Variants in SLC30A6 observed in about 807,000 individuals in gnomAD.
SLC30A6 encodes solute carrier family 30 member 6, also known as zinc transporter 6.
A neutral mutation model predicts 63.0 loss-of-function variants in SLC30A6; 55 were observed. The ratio of observed to expected loss-of-function variants is 0.87; its 90% CI spans 0.70 to 1.09. The LOEUF (loss-of-function observed/expected upper bound fraction) is 1.09, where lower values mean the gene tolerates loss of function less well. Among genes scored for constraint, SLC30A6 ranks in the 50% least tolerant of loss-of-function variants. The probability of loss-of-function intolerance (pLI) is 0.00; values close to 1 mark genes in which losing one functional copy is unlikely to be tolerated. For missense variants in SLC30A6, 587 were observed against 549.2 expected, an observed-to-expected ratio of 1.07 and a Z score of -0.69; for synonymous variants, 224 against 186.1, an observed-to-expected ratio of 1.20 and a Z score of -1.66.
intron 1 of SLC30A6, among the ~76,000 whole-genome samples, chr2:32,167,102 T>C (rs1347802871): frequency 1.3e-5 from 2 of 151,950 alleles, no homozygotes; most frequent in African/African-American, 4.8e-5. Flanking sequence ...CGAGACGGAG[T>C]TCCACTCTTG....
At chr2:32,190,865 T>G (rs984508003) in intron 5 of SLC30A6, among the ~76,000 whole-genome samples, 7 of 152,286 alleles carry the variant, frequency 4.6e-5, no homozygotes, top group African/African-American at 1.4e-4. Flanking sequence ...TCAAGTGATG[T>G]GCCTGCCTCG....
At chr2:32,188,799 C>G (rs1683064641) in intron 5 of SLC30A6, among the ~76,000 whole-genome samples, 1 of 152,200 alleles carries the variant, frequency 6.6e-6, no homozygotes, top group Admixed American at 6.5e-5. Flanking sequence ...CTATCTGGAT[C>G]ATGATATAGA....
intron 1 of SLC30A6, among the ~76,000 whole-genome samples, chr2:32,170,071 A>T (rs1681060996): frequency 6.6e-6 from 1 of 152,048 alleles, no homozygotes. Context: ...CCTTAAGGGT[A>T]TTACATTCGC....
intron 13 of SLC30A6, among the ~76,000 whole-genome samples, chr2:32,210,515 C>CAAAAAAAAAAA (rs3040860): frequency 1.1e-5 from 1 of 89,216 alleles, no homozygotes; most frequent in African/African-American, 4.5e-5. Context: ...ACTCTGTCTC[C>CAAAAAAAAAAA]AAAAAAAAAA....
At chr2:32,168,910 T>C (rs1680921799) in intron 1 of SLC30A6, among the ~76,000 whole-genome samples, 1 of 152,176 alleles carries the variant, frequency 6.6e-6, no homozygotes, top group African/African-American at 2.4e-5. Context: ...AAGAGTGATA[T>C]GACATTAGGA....
At chr2:32,176,653 A>G (rs971617866) in intron 4 of SLC30A6, among the ~76,000 whole-genome samples, 4 of 150,810 alleles carry the variant, frequency 2.7e-5, no homozygotes, top group Admixed American at 1.3e-4. Context: ...GTGAGATTCC[A>G]TCTCAAAAAA....
At chr2:32,169,581 A>G (rs1345638170) in intron 1 of SLC30A6, among the ~76,000 whole-genome samples, 7 of 152,218 alleles carry the variant, frequency 4.6e-5, no homozygotes, top group African/African-American at 1.7e-4. Context: ...GATCAAGACC[A>G]TCCTGGCTAA....
intron 4 of SLC30A6, among the ~76,000 whole-genome samples, chr2:32,182,020 A>G (rs1682369346): frequency 6.7e-6 from 1 of 149,612 alleles, no homozygotes; most frequent in African/African-American, 2.5e-5. Flanking sequence ...TGCAGCTGCA[A>G]TCTCCTGGGC....
At chr2:32,196,096 C>G (rs1259949711) in intron 8 of SLC30A6, among the ~76,000 whole-genome samples, 1 of 152,128 alleles carries the variant, frequency 6.6e-6, no homozygotes, top group East Asian at 1.9e-4. Context: ...AGGCGGATCA[C>G]AAGGTCAGCA....
At chr2:32,175,124 T>G (rs1445473589) in intron 3 of SLC30A6, among the ~76,000 whole-genome samples, 195 bp from the exon 4 acceptor site, 1 of 152,170 alleles carries the variant, frequency 6.6e-6, no homozygotes, top group Non-Finnish European at 1.5e-5. Context: ...GGTTGGGAAG[T>G]AAGCTTTTCT....
At chr2:32,219,583 C>T (rs1230018464) in intron 13 of SLC30A6, among the ~76,000 whole-genome samples, 3 of 151,790 alleles carry the variant, frequency 2.0e-5, no homozygotes, top group South Asian at 2.1e-4. Flanking sequence ...TACAGGCACA[C>T]GCCACTATGC....
At chr2:32,214,741 T>TTAAC (rs1243455663) in intron 13 of SLC30A6, among the ~76,000 whole-genome samples, 2 of 152,194 alleles carry the variant, frequency 1.3e-5, no homozygotes, top group African/African-American at 4.8e-5. Context: ...AAGCCATAGA[T>TTAAC]TAACGCATGC....
chr2:32,208,400 G>A (rs1684967892), intron 12 of SLC30A6, among the ~76,000 whole-genome samples: 1 of 152,054 alleles, frequency 6.6e-6, no homozygotes, highest in Admixed American at 6.5e-5. Flanking sequence ...CAAAATGCTG[G>A]GATTACAGGC....
At chr2:32,202,866 C>G in intron 10 of SLC30A6, 2 of 919,384 alleles carry the variant, frequency 2.2e-6, no homozygotes. Flanking sequence ...AAAAATGACT[C>G]AAAAGGCTGC....
At chr2:32,188,800 A>G (rs1044141163) in intron 5 of SLC30A6, among the ~76,000 whole-genome samples, 7 of 152,224 alleles carry the variant, frequency 4.6e-5, no homozygotes, top group African/African-American at 1.7e-4. Context: ...TATCTGGATC[A>G]TGATATAGAA....
rs115648330 is a variant in SLC30A6 at position 32,216,082 on chromosome 2, G to A, written c.886-4131G>A. Among the ~76,000 whole-genome samples the A allele has an allele frequency of 9.0e-3, 1,371 of 152,210 alleles. 17 individuals are homozygous for A. The highest frequency in any genetic ancestry group is 0.034 in the Middle Eastern group (10 of 294). ...TCTTTTGGATATATACCCAGTTATG[G>A]GATTGCTGGGTCAAATGGTAGTTCT... On this transcript the variant is annotated intron_variant, in intron 13 of 13. Coordinates refer to ENST00000282587, the MANE Select transcript of SLC30A6 (RefSeq NM_017964.5).
In SLC30A6 at chr2:32,220,748, T is replaced by A. The variant is rs1365544908; in HGVS notation, c.*35T>A. 2 of 1,552,978 alleles carry A rather than the reference T, an allele frequency of 1.3e-6. No individual in the cohort carries two copies. The highest frequency in any genetic ancestry group is 4.5e-5 in the East Asian group (2 of 44,308). The stretch of plus-strand genomic sequence containing the variant: ...ACTTATTTTTATAAGGAATATTGAC[T>A]CCTTGGCTTCCAATTTATTTAGTAA... On this transcript the variant is annotated 3_prime_UTR_variant, in exon 14 of 14. Transcript: ENST00000282587.
intron 4 of SLC30A6, chr2:32,177,499 C>A: frequency 4.1e-6 from 1 of 246,276 alleles, no homozygotes; most frequent in Non-Finnish European, 8.5e-6. Context: ...ACCATTTTGG[C>A]TGGGCTGGTC....
intron 13 of SLC30A6, among the ~76,000 whole-genome samples, chr2:32,216,357 G>A (rs763865955): frequency 3.9e-5 from 6 of 152,022 alleles, no homozygotes; most frequent in African/African-American, 1.2e-4. Flanking sequence ...CCAACATAGC[G>A]AAATCCTATC....
Sources: allele counts gnomAD v4.1 joint callset (sites outside exome capture counted in the v4.1 genomes callset), GRCh38; gene constraint gnomAD v4.1.1; transcripts MANE v1.5; gene names NCBI Gene and HGNC (gene_info 2026-07-23, HGNC 2026-07-21).